The following ZBTB38 variants were observed in gnomAD, a reference collection of about 807,000 sequenced individuals.
ZBTB38 encodes the protein zinc finger and BTB domain-containing protein 38.
ZBTB38 carries 20 observed loss-of-function variants against 76.8 expected under a neutral mutation model. The ratio of observed to expected loss-of-function variants is 0.26; its 90% confidence interval spans 0.18 to 0.38. The LOEUF is 0.38. Among genes scored for constraint, ZBTB38 ranks in the 10% least tolerant of loss-of-function variants. ZBTB38 has a pLI of 1.00. For synonymous variants in ZBTB38, 504 were observed against 544.2 expected, an observed-to-expected ratio of 0.93 and a Z score of 1.03; for missense variants, 1,082 against 1,482.3, an observed-to-expected ratio of 0.73 and a Z score of 4.43.
intron 4 of ZBTB38, chr3:141,394,529 CA>C (rs1166027914): frequency 1.3e-5 from 2 of 152,304 alleles, no homozygotes; most frequent in Admixed American, 6.5e-5. Context: ...AAGACCTACC[CA>C]AAATACTTGC....
At chr3:141,377,229 C>G (rs78606994) in intron 2 of ZBTB38, among the ~76,000 whole-genome samples, 49 of 152,314 alleles carry the variant, frequency 3.2e-4, no homozygotes, top group African/African-American at 1.0e-3. Flanking sequence ...AAGACTCAGC[C>G]CCCCCATCCA....
chr3:141,392,907 G>A (rs1235907543), intron 4 of ZBTB38: 2 of 152,204 alleles, frequency 1.3e-5, no homozygotes, highest in Non-Finnish European at 2.9e-5. Context: ...AATTGTCTTT[G>A]TTAGGTGATC....
chr3:141,354,878 G>A (rs970398126), intron 1 of ZBTB38, among the ~76,000 whole-genome samples: 1 of 152,056 alleles, frequency 6.6e-6, no homozygotes, highest in African/African-American at 2.4e-5. Context: ...AATGATAGGC[G>A]TAACCAAGAT....
At chr3:141,374,305 A>G (rs1348609834) in intron 2 of ZBTB38, among the ~76,000 whole-genome samples, 3 of 152,196 alleles carry the variant, frequency 2.0e-5, no homozygotes, top group African/African-American at 7.2e-5. Flanking sequence ...CAGACTCCCC[A>G]TGGAGAGGCT....
intron 4 of ZBTB38, among the ~76,000 whole-genome samples, chr3:141,399,797 A>G (rs1951312316): frequency 6.6e-6 from 1 of 152,186 alleles, no homozygotes; most frequent in Non-Finnish European, 1.5e-5. Flanking sequence ...AAACTGGCCA[A>G]GAGTCCTAGT....
At chr3:141,353,025 C>T (rs753462823) in intron 1 of ZBTB38, among the ~76,000 whole-genome samples, 1 of 152,008 alleles carries the variant, frequency 6.6e-6, no homozygotes, top group East Asian at 1.9e-4. Flanking sequence ...CCCCCATCCC[C>T]AAACCTTGAA....
intron 1 of ZBTB38, among the ~76,000 whole-genome samples, chr3:141,341,203 G>A (rs1943188796): frequency 6.6e-6 from 1 of 152,208 alleles, no homozygotes; most frequent in South Asian, 2.1e-4. Context: ...TACATTGCTG[G>A]TGGGACTGTA....
At chr3:141,356,827 G>A (rs78019542) in intron 1 of ZBTB38, among the ~76,000 whole-genome samples, 9,900 of 152,246 alleles carry the variant, frequency 0.065, 629 homozygotes, top group Admixed American at 0.15. Flanking sequence ...CTTAATAAGC[G>A]TATTCTATAT....
intron 3 of ZBTB38, chr3:141,386,385 A>C (rs1162330155): frequency 6.6e-6 from 1 of 152,268 alleles, no homozygotes; most frequent in Non-Finnish European, 1.5e-5. Flanking sequence ...CTGCAGATAC[A>C]TTTAGCAGGA....
intron 3 of ZBTB38, among the ~76,000 whole-genome samples, chr3:141,384,010 A>G (rs1946582796): frequency 6.6e-6 from 1 of 152,286 alleles, no homozygotes; most frequent in South Asian, 2.1e-4. Context: ...TTCTGAAAGT[A>G]TAAAACAGGA....
intron 1 of ZBTB38, among the ~76,000 whole-genome samples, chr3:141,339,114 C>T (rs945897111): frequency 6.6e-6 from 1 of 151,982 alleles, no homozygotes; most frequent in African/African-American, 2.4e-5. Flanking sequence ...CTCAAGTGAA[C>T]CAGTGTTGCA....
intron 1 of ZBTB38, among the ~76,000 whole-genome samples, chr3:141,358,784 T>G (rs1048925482): frequency 1.3e-5 from 2 of 152,226 alleles, no homozygotes; most frequent in African/African-American, 2.4e-5. Context: ...CCCTATAGAT[T>G]TCCCTGTTCT....
chr3:141,336,188 T>C (rs1943010390), intron 1 of ZBTB38, among the ~76,000 whole-genome samples: 1 of 152,160 alleles, frequency 6.6e-6, no homozygotes, highest in African/African-American at 2.4e-5. Flanking sequence ...TGCTGGTCGA[T>C]GGGACGTTTG....
chr3:141,421,133 T>C (rs779104961), intron 5 of ZBTB38, among the ~76,000 whole-genome samples: 5 of 152,090 alleles, frequency 3.3e-5, no homozygotes, highest in African/African-American at 4.8e-5. Flanking sequence ...CTCCATGATA[T>C]GTATAGTAGT....
chr3:141,326,693 A>T (rs1217105023), intron 1 of ZBTB38, among the ~76,000 whole-genome samples: 5 of 152,122 alleles, frequency 3.3e-5, no homozygotes, highest in Non-Finnish European at 2.9e-5. Flanking sequence ...TTTTACAATG[A>T]TACTCTTGGT....
intron 1 of ZBTB38, among the ~76,000 whole-genome samples, chr3:141,336,682 A>G (rs1160374355): frequency 6.6e-6 from 1 of 152,096 alleles, no homozygotes; most frequent in Non-Finnish European, 1.5e-5. Flanking sequence ...AACAAACACA[A>G]ATTTTTGTGT....
chr3:141,325,180 T>C (rs1239650192), intron 1 of ZBTB38, among the ~76,000 whole-genome samples: 1 of 152,248 alleles, frequency 6.6e-6, no homozygotes, highest in Admixed American at 6.5e-5. Flanking sequence ...TCAGGAATGA[T>C]ACACTGAGGA....
Position 141,390,606 on chromosome 3 carries a change from A to G in ZBTB38, c.-106+3669A>G, listed in dbSNP as rs563332781. Among the ~76,000 whole-genome samples the G allele has an allele frequency of 5.9e-5, 9 of 152,306 alleles. No individual in the cohort carries two copies. The South Asian group carries it at 1.9e-3, about 32-fold the overall frequency. The stretch of plus-strand genomic sequence containing the variant: ...AGAAGAATCTAGAAAGAGATCTAGC[A>G]CTTTCTCTTTAGTACTAGGTCATGC... On this transcript the variant is annotated intron_variant, in intron 4 of 5. Transcript: ENST00000321464.
chr3:141,445,044 G>C lies in ZBTB38; in HGVS notation c.2656G>C (p.Asp886His), dbSNP rs1431389899. The change falls in exon 6 of 6, where the codon GAC becomes CAC. Residue 886 changes from aspartate (D) to histidine (H), a missense_variant. Around this residue, in one of 8 missense-constraint regions of ZBTB38, gnomAD observed 471 missense variants for 581.0 expected, o/e 0.81. Transcript: ENST00000321464. This position sits in a 1 kb window ranked among gnomAD's most constrained non-coding sequence, Gnocchi z 6.5. ...GGGGAATGACCCAGAACCCAGTGGA[G>C]ACAGCCCACTCGGGCTTTGCCAATC... ...PQGNDPEPSG[D>H]SPLGLCQSEC... The C allele has an allele frequency of 6.2e-7, 1 of 1,614,216 alleles. No homozygotes were observed. Among genetic ancestry groups the C allele is most frequent in the Non-Finnish European group, 8.5e-7 (1 of 1,180,032 alleles).
Sources: allele counts gnomAD v4.1 joint callset (sites outside exome capture counted in the v4.1 genomes callset), GRCh38; gene constraint gnomAD v4.1.1; regional missense constraint gnomAD v4.1.1; non-coding constraint Gnocchi (gnomAD v3.1); transcripts MANE v1.5; gene names NCBI Gene and HGNC (gene_info 2026-07-23, HGNC 2026-07-21).